RRBP1: variants seen among roughly 807,000 people sequenced by gnomAD.
RRBP1 encodes the protein ribosome binding protein 1.
Under a neutral mutation model 165.2 loss-of-function variants are expected in RRBP1, and 94 were observed. That is an observed-to-expected ratio of 0.57 (90% CI 0.48 to 0.68). The LOEUF is 0.68. Among genes scored for constraint, RRBP1 ranks in the 30% least tolerant of loss-of-function variants. RRBP1 has a pLI of 0.00. For synonymous variants in RRBP1, 680 were observed against 714.5 expected (o/e 0.95, Z 0.77); for missense variants, 1,676 against 1,763.0 (o/e 0.95, Z 0.88).
chr20:17,630,032 G>A (rs2036118216), intron 8 of RRBP1, 71 bp from the exon 9 acceptor site: 1 of 1,505,694 alleles, frequency 6.6e-7, no homozygotes, highest in Non-Finnish European at 9.0e-7. Flanking sequence ...CTGCGGTGGA[G>A]GCGGACAGAG....
chr20:17,635,114 T>C (rs1278881757), intron 7 of RRBP1, among the ~76,000 whole-genome samples: 2 of 152,016 alleles, frequency 1.3e-5, no homozygotes, highest in Non-Finnish European at 2.9e-5. Flanking sequence ...GAGGGTGTAA[T>C]GCTTAAATCA....
intron 1 of RRBP1, among the ~76,000 whole-genome samples, chr20:17,681,074 A>G (rs1349345008): frequency 3.3e-5 from 5 of 151,414 alleles, no homozygotes; most frequent in African/African-American, 1.2e-4. Context: ...TCCCCTAATC[A>G]GGGCGCAGCG....
intron 3 of RRBP1, among the ~76,000 whole-genome samples, chr20:17,655,936 C>T (rs1173500035): frequency 6.6e-6 from 1 of 152,214 alleles, no homozygotes; most frequent in Non-Finnish European, 1.5e-5. Context: ...CTCCCAGGAA[C>T]TGCTTAGAAA....
chr20:17,664,581 T>C (rs2036832960), intron 2 of RRBP1, among the ~76,000 whole-genome samples: 1 of 152,266 alleles, frequency 6.6e-6, no homozygotes, highest in Non-Finnish European at 1.5e-5. Flanking sequence ...GCTCTTCTTC[T>C]GTTCTTAAGA....
chr20:17,619,980 AC>A (rs1395408278), intron 18 of RRBP1, among the ~76,000 whole-genome samples: 1 of 152,166 alleles, frequency 6.6e-6, no homozygotes, highest in Non-Finnish European at 1.5e-5. Context: ...TACCAAGGGT[AC>A]CTTCTCCAGG....
chr20:17,620,083 A>G (rs2035880519), intron 18 of RRBP1, among the ~76,000 whole-genome samples: 1 of 152,168 alleles, frequency 6.6e-6, no homozygotes. Context: ...GCAGGTCTGC[A>G]CAGGGCCCGT....
intron 2 of RRBP1, among the ~76,000 whole-genome samples, chr20:17,663,734 T>C (rs1193852632): frequency 6.6e-6 from 1 of 152,052 alleles, no homozygotes; most frequent in African/African-American, 2.4e-5. Flanking sequence ...TCAAATTCGG[T>C]TCTCACAATC....
At chr20:17,668,454 G>A (rs1355823484) in intron 2 of RRBP1, among the ~76,000 whole-genome samples, 1 of 152,188 alleles carries the variant, frequency 6.6e-6, no homozygotes, top group Non-Finnish European at 1.5e-5. Flanking sequence ...GGGCTGAGTT[G>A]TGGGCCTGCC....
intron 12 of RRBP1, 139 bp downstream of exon 12, chr20:17,625,373 C>T (rs1379636340): frequency 1.4e-5 from 10 of 715,388 alleles, no homozygotes; most frequent in South Asian, 1.2e-4. Flanking sequence ...CACCCTGGAC[C>T]CCCACAGCAC....
Position 17,620,742 on chromosome 20 carries a change from C to T in RRBP1, c.3480G>A (p.Val1160=). The T allele has an allele frequency of 6.2e-7, 1 of 1,607,336 alleles. No individual in the cohort carries two copies. The highest frequency in any genetic ancestry group is 8.5e-7 in the Non-Finnish European group (1 of 1,179,790). The change falls in exon 17 of 25, where the codon GTG becomes GTA. Residue 1160 remains valine (V), a synonymous_variant. Coordinates refer to ENST00000377813, the MANE Select transcript of RRBP1 (RefSeq NM_001365613.2). The stretch of plus-strand genomic sequence containing the variant: ...TCTGGAGCTCCTCCTCTGCGGCGCC[C>T]ACCTTGGCCCTCCACACCTGCTCCT... ...EEEEQVWRAK[V]GAAEEELQKS...
chr20:17,679,048 T>C (rs993076263), intron 2 of RRBP1, among the ~76,000 whole-genome samples: 1 of 152,136 alleles, frequency 6.6e-6, no homozygotes, highest in African/African-American at 2.4e-5. Flanking sequence ...GAGGGAACAT[T>C]TGGAAGGCCG....
At chr20:17,624,539 T>C (rs1287550943) in intron 13 of RRBP1, 37 bp downstream of exon 13, 1 of 1,426,402 alleles carries the variant, frequency 7.0e-7, no homozygotes, top group African/African-American at 1.4e-5. Context: ...CTAGTGCACT[T>C]TCCATGGTGG....
intron 4 of RRBP1, among the ~76,000 whole-genome samples, chr20:17,642,682 C>T (rs1426219707): frequency 6.6e-6 from 1 of 152,154 alleles, no homozygotes; most frequent in Non-Finnish European, 1.5e-5. Context: ...TGTCCCTATA[C>T]CTTTCTTTCT....
At chr20:17,675,600 C>T (rs1402410397) in intron 2 of RRBP1, among the ~76,000 whole-genome samples, 1 of 152,152 alleles carries the variant, frequency 6.6e-6, no homozygotes, top group Admixed American at 6.5e-5. Context: ...GGGTAGCCAA[C>T]AGGCCTGAAG....
chr20:17,673,114 A>T (rs772027005), intron 2 of RRBP1, among the ~76,000 whole-genome samples: 2 of 152,328 alleles, frequency 1.3e-5, no homozygotes, highest in East Asian at 3.9e-4. Flanking sequence ...TTTTCTGTAT[A>T]TATTTTACTT....
Position 17,613,809 on chromosome 20 carries a change from G to A in RRBP1, c.*373C>T, listed in dbSNP as rs940814165. The stretch of plus-strand genomic sequence containing the variant: ...CACAGCCTTTGAGAACTGGCTGCCC[G>A]GTCCCACCCGCTTCCCGCCCCGCCC... On this transcript the variant is annotated 3_prime_UTR_variant, in exon 25 of 25. Transcript: ENST00000377813. The A allele has an allele frequency of 1.9e-5, 4 of 212,864 alleles. No homozygotes were observed. Among genetic ancestry groups the A allele is most frequent in the African/African-American group, 6.8e-5 (3 of 43,974 alleles). 13.2% of individuals were successfully genotyped at this position (212,864 alleles called of 1,614,324 possible).
chr20:17,618,988 CTG>C (rs2035855885), intron 19 of RRBP1: 1 of 367,200 alleles, frequency 2.7e-6, no homozygotes, highest in African/African-American at 2.1e-5. Flanking sequence ...TGGTCTCAAT[CTG>C]TCATCCACGC....
At chr20:17,645,780 G>A (rs74674820) in intron 3 of RRBP1, among the ~76,000 whole-genome samples, 6,375 of 152,278 alleles carry the variant, frequency 0.042, 180 homozygotes, top group Non-Finnish European at 0.063. Context: ...AAATCTTAAC[G>A]CACTAAACTA....
intron 4 of RRBP1, 46 bp downstream of exon 4, chr20:17,642,933 C>A: frequency 1.3e-6 from 2 of 1,597,786 alleles, no homozygotes; most frequent in South Asian, 1.1e-5. Flanking sequence ...CCACCCTAGC[C>A]AGCTGCAGTG....
Sources: allele counts gnomAD v4.1 joint callset (sites outside exome capture counted in the v4.1 genomes callset), GRCh38; gene constraint gnomAD v4.1.1; transcripts MANE v1.5; gene names NCBI Gene and HGNC (gene_info 2026-07-23, HGNC 2026-07-21).